The following KCNQ1 variants were observed in gnomAD, a reference collection of about 807,000 sequenced individuals.
KCNQ1 encodes the protein potassium voltage-gated channel subfamily Q member 1.
KCNQ1 carries 49 observed loss-of-function variants against 72.4 expected under a neutral mutation model. The observed-to-expected ratio is 0.68, with a 90% confidence interval of 0.54 to 0.86. The LOEUF is 0.86. Ranked by LOEUF, KCNQ1 falls within the 40% of genes least tolerant of loss-of-function variation. KCNQ1 has a pLI of 0.00. For missense variants in KCNQ1, 790 were observed against 945.1 expected (o/e 0.84, Z 2.15); for synonymous variants, 450 against 412.6 (o/e 1.09, Z -1.10).
chr11:2,652,276 C>G lies in KCNQ1; in HGVS notation c.1394-9685C>G. The G allele has an allele frequency of 2.5e-6, 1 of 398,626 alleles. No individual in the cohort carries two copies. The allele number at this position is 398,626 out of a possible 1,614,324, so 24.7% of individuals were successfully genotyped here. A position where few individuals can be genotyped will look rare whatever the true frequency, so the allele number is the denominator to read the frequency against. ...TTAAACATTCTGAGAACATCTGCAC[C>G]GGTTTCCAAGGCTTCTCCCTCACTA... is the stretch of plus-strand genomic sequence containing the variant. On this transcript the variant is annotated intron_variant, in intron 10 of 15. Transcript: ENST00000155840. This position sits in a 1 kb window ranked among gnomAD's most constrained non-coding sequence, Gnocchi z 5.9.
At chr11:2,571,041 G>C (rs918508304) in intron 3 of KCNQ1, among the ~76,000 whole-genome samples, 9 of 152,186 alleles carry the variant, frequency 5.9e-5, no homozygotes, top group African/African-American at 2.2e-4. Context: ...GGCAGCCTGA[G>C]AACCATGGTC....
At chr11:2,539,577 C>T (rs1006152933) in intron 2 of KCNQ1, among the ~76,000 whole-genome samples, 3 of 152,232 alleles carry the variant, frequency 2.0e-5, no homozygotes, top group Non-Finnish European at 4.4e-5. Flanking sequence ...CCATGGTGCT[C>T]TGCTCTCTGC....
rs1289756325 is a variant in KCNQ1, at chr11:2,593,565, TC to T, written c.1393+4714del. Among the ~76,000 whole-genome samples, 2 of 152,212 alleles carry T rather than the reference TC, an allele frequency of 1.3e-5. No individual in the cohort carries two copies. The highest frequency in any genetic ancestry group is 1.3e-4 in the Admixed American group (2 of 15,288). ...GGTGACCTGGGACTATTGTGTGGTT[TC>T]CCGTTTGTGAAGTGGGGCAGCGTGC... On this transcript the variant is annotated intron_variant, in intron 10 of 15. Coordinates refer to ENST00000155840, the MANE Select transcript of KCNQ1 (RefSeq NM_000218.3). The surrounding 1 kb of genome is among the most constrained non-coding windows in gnomAD (Gnocchi z 6.9).
In KCNQ1 at chr11:2,613,069, A is replaced by G. The variant is rs534542333; in HGVS notation, c.1393+24215A>G. 451 of 398,552 alleles carry G rather than the reference A, an allele frequency of 1.1e-3. No homozygotes were observed. Among genetic ancestry groups the G allele is most frequent in the Non-Finnish European group, 8.3e-4 (187 of 226,068 alleles). The allele number at this position is 398,552 out of a possible 1,614,324, so 24.7% of individuals were successfully genotyped here. A position where few individuals can be genotyped will look rare whatever the true frequency, so the allele number is the denominator to read the frequency against. On this transcript the variant is annotated intron_variant, in intron 10 of 15. Coordinates refer to ENST00000155840, the MANE Select transcript of KCNQ1 (RefSeq NM_000218.3). The surrounding 1 kb of genome is among the most constrained non-coding windows in gnomAD (Gnocchi z 4.8). Reference sequence around the variant, plus strand: ...TGTCACCCCTGGATCAGCATAACCTAGTGGTCAAGCCATGATTAGTCAGAC... The same window carrying G: ...TGTCACCCCTGGATCAGCATAACCTGGTGGTCAAGCCATGATTAGTCAGAC...
At chr11:2,582,785 C>T (rs1339154419) in intron 6 of KCNQ1, among the ~76,000 whole-genome samples, 1 of 152,094 alleles carries the variant, frequency 6.6e-6, no homozygotes, top group African/African-American at 2.4e-5. Flanking sequence ...CTCCTACGTC[C>T]TGCAGAATGA....
intron 10 of KCNQ1, chr11:2,625,070 T>C: frequency 2.5e-6 from 1 of 398,620 alleles, no homozygotes. Context: ...TCTTTGAGAC[T>C]GCTTTTAATC....
rs1311166904 is a variant in KCNQ1, at chr11:2,775,955, C to T, written c.1591-5C>T. On this transcript the variant is annotated splice_polypyrimidine_tract_variant and splice_region_variant and intron_variant, in intron 12 of 15. Coordinates refer to ENST00000155840, the MANE Select transcript of KCNQ1 (RefSeq NM_000218.3). ...AGAAGTGATGCGTGTCTTTTTGTCCCGCAGCAAGCGCGGAAGCCTTACGAT... is the reference window on the plus strand; with the variant it reads ...AGAAGTGATGCGTGTCTTTTTGTCCTGCAGCAAGCGCGGAAGCCTTACGAT... The T allele has an allele frequency of 1.9e-6, 3 of 1,554,386 alleles. No homozygotes were observed. The highest frequency in any genetic ancestry group is 1.2e-5 in the South Asian group (1 of 84,224).
In KCNQ1 at chr11:2,658,893, T is replaced by A. The variant is rs1228859240; in HGVS notation, c.1394-3068T>A. 5.0e-6 allele frequency: 2 copies of A among 398,470 alleles called. No individual in the cohort carries two copies. Among genetic ancestry groups the A allele is most frequent in the Non-Finnish European group, 8.8e-6 (2 of 226,054 alleles). 24.7% of individuals were successfully genotyped at this position (398,470 alleles called of 1,614,324 possible). On this transcript the variant is annotated intron_variant, in intron 10 of 15. Coordinates refer to ENST00000155840, the MANE Select transcript of KCNQ1 (RefSeq NM_000218.3). The surrounding 1 kb of genome is among the most constrained non-coding windows in gnomAD (Gnocchi z 4.9). ...TTTACTTATTTGTGTAACCCTATTG[T>A]ACACGTAGTACCCTATGTGAAGCAA...
rs986232091 is a variant in KCNQ1 at position 2,481,360 on chromosome 11, T to C, written c.386+35876T>C. ...TAGTCTTTTTCTCGGCGTGTGTGTG[T>C]GCGCGCGTGCATGCACATGTTTCTA... On this transcript the variant is annotated intron_variant, in intron 1 of 15. Coordinates refer to ENST00000155840, the MANE Select transcript of KCNQ1 (RefSeq NM_000218.3). The surrounding 1 kb of genome is among the most constrained non-coding windows in gnomAD (Gnocchi z 4.6). Among the ~76,000 whole-genome samples the C allele has an allele frequency of 7.9e-5, 12 of 152,306 alleles. No individual in the cohort carries two copies. The highest frequency in any genetic ancestry group is 5.8e-4 in the East Asian group (3 of 5,186).
chr11:2,618,000 T>G lies in KCNQ1; in HGVS notation c.1393+29146T>G. 1 of 398,600 alleles carries G rather than the reference T, an allele frequency of 2.5e-6. No homozygotes were observed. The highest frequency in any genetic ancestry group is 4.4e-6 in the Non-Finnish European group (1 of 226,048). 24.7% of individuals were successfully genotyped at this position (398,600 alleles called of 1,614,324 possible). On this transcript the variant is annotated intron_variant, in intron 10 of 15. Coordinates refer to ENST00000155840, the MANE Select transcript of KCNQ1 (RefSeq NM_000218.3). This position sits in a 1 kb window ranked among gnomAD's most constrained non-coding sequence, Gnocchi z 4.6. ...TCCATAGGTTGCCTTTTCCTTTTGT[T>G]GACTGTTTCCGTTCCTGTGCAGAAG...
chr11:2,812,126 C>G (rs1847499931), intron 15 of KCNQ1, among the ~76,000 whole-genome samples: 1 of 152,190 alleles, frequency 6.6e-6, no homozygotes, highest in Admixed American at 6.5e-5. Context: ...GACCCCCAGA[C>G]CCCAGCTTTG....
chr11:2,610,716 C>CTT lies in KCNQ1; in HGVS notation c.1393+21890_1393+21891dup, dbSNP rs1167505141. On this transcript the variant is annotated intron_variant, in intron 10 of 15. Transcript: ENST00000155840. The stretch of plus-strand genomic sequence containing the variant: ...TTCTGGACACAGTATTCTTGGTTGG[C>CTT]TTTTTTTTTTTTTTTTTTTTTTTTT... The CTT allele has an allele frequency of 6.4e-3, 1,472 of 229,046 alleles. 32 individuals carry two copies. Among genetic ancestry groups the CTT allele is most frequent in the Middle Eastern group, 0.012 (13 of 1,076 alleles). The allele number at this position is 229,046 out of a possible 1,614,324, so 14.2% of individuals were successfully genotyped here.
chr11:2,714,771 G>A (rs1851061727), intron 11 of KCNQ1, among the ~76,000 whole-genome samples: 1 of 152,150 alleles, frequency 6.6e-6, no homozygotes. Flanking sequence ...TCTTGAGGGT[G>A]GCTGCAGCAT....
rs1317120388 is a variant in KCNQ1, at chr11:2,764,537, T to C, written c.1515-4307T>C. On this transcript the variant is annotated intron_variant, in intron 11 of 15. Coordinates refer to ENST00000155840, the MANE Select transcript of KCNQ1 (RefSeq NM_000218.3). This position sits in a 1 kb window ranked among gnomAD's most constrained non-coding sequence, Gnocchi z 4.8. ...TTGAAATATCCTTGTCAGATTTTGA[T>C]ATCAAGGTTATGCTGCCTTATGAAA... is the stretch of plus-strand genomic sequence containing the variant. 6.6e-6 allele frequency among the ~76,000 whole-genome samples: 1 copy of C among 152,182 alleles called. No individual in the cohort carries two copies. Among genetic ancestry groups the C allele is most frequent in the Non-Finnish European group, 1.5e-5 (1 of 68,034 alleles).
At position 2,661,695 on chromosome 11, in the gene KCNQ1, C is replaced by G. The variant is rs753402738; in HGVS notation, c.1394-266C>G. The G allele has an allele frequency of 5.0e-6, 3 of 604,644 alleles. No homozygotes were observed. Among genetic ancestry groups the G allele is most frequent in the Non-Finnish European group, 8.9e-6 (3 of 338,912 alleles). 37.5% of individuals were successfully genotyped at this position (604,644 alleles called of 1,614,324 possible). A position where few individuals can be genotyped will look rare whatever the true frequency, so the allele number is the denominator to read the frequency against. Reference sequence around the variant, plus strand: ...CCTGAGGTGGGGAGAGTCTTGGACACCTGAGCACAGCCCCAGGCACAGTTA... The same window carrying G: ...CCTGAGGTGGGGAGAGTCTTGGACAGCTGAGCACAGCCCCAGGCACAGTTA... On this transcript the variant is annotated intron_variant, in intron 10 of 15. Coordinates refer to ENST00000155840, the MANE Select transcript of KCNQ1 (RefSeq NM_000218.3). This position sits in a 1 kb window ranked among gnomAD's most constrained non-coding sequence, Gnocchi z 5.9.
chr11:2,561,131 G>A (rs1375780751), intron 2 of KCNQ1, among the ~76,000 whole-genome samples: 2 of 151,002 alleles, frequency 1.3e-5, no homozygotes, highest in Non-Finnish European at 3.0e-5. Context: ...GAACCCCAGG[G>A]GGTGGAGCCT....
At chr11:2,524,099 G>A (rs537065847) in intron 1 of KCNQ1, among the ~76,000 whole-genome samples, 2 of 152,284 alleles carry the variant, frequency 1.3e-5, no homozygotes, top group Admixed American at 6.5e-5. Context: ...TGGGTTACCC[G>A]GGTGAGCCCT....
rs529705264 is a variant in KCNQ1 at position 2,611,280 on chromosome 11, C to T, written c.1393+22426C>T. 2.0e-5 allele frequency: 8 copies of T among 397,170 alleles called. No individual in the cohort carries two copies. Among genetic ancestry groups the T allele is most frequent in the East Asian group, 3.6e-5 (1 of 28,060 alleles). 24.6% of individuals were successfully genotyped at this position (397,170 alleles called of 1,614,324 possible). On this transcript the variant is annotated intron_variant, in intron 10 of 15. Coordinates refer to ENST00000155840, the MANE Select transcript of KCNQ1 (RefSeq NM_000218.3). The surrounding 1 kb of genome is among the most constrained non-coding windows in gnomAD (Gnocchi z 5.3). The stretch of plus-strand genomic sequence containing the variant: ...TGTTGCCCAGGCTGGAGTGCAGTGG[C>T]GTGACCTTGGCTCACTGCAACCTCT...
At chr11:2,490,576 A>G (rs1846819998) in intron 1 of KCNQ1, among the ~76,000 whole-genome samples, 3 of 152,238 alleles carry the variant, frequency 2.0e-5, no homozygotes, top group Admixed American at 1.3e-4. Context: ...GGCTTAGCAT[A>G]GAGAGAGAGT....
Sources: allele counts gnomAD v4.1 joint callset (sites outside exome capture counted in the v4.1 genomes callset), GRCh38; gene constraint gnomAD v4.1.1; non-coding constraint Gnocchi (gnomAD v3.1); transcripts MANE v1.5; gene names NCBI Gene and HGNC (gene_info 2026-07-23, HGNC 2026-07-21).